The following GYS2 variants were observed in gnomAD, a reference collection of about 807,000 sequenced individuals.
GYS2 encodes glycogen synthase 2.
In GYS2, 80 loss-of-function variants were observed where a neutral mutation model predicts 85.6. The observed-to-expected ratio is 0.93, with a 90% CI of 0.78 to 1.13. GYS2 has a LOEUF of 1.13. GYS2 is among the 50% of genes most tolerant of loss of function. The pLI, the probability that GYS2 is intolerant of heterozygous loss-of-function variation, is 0.00. For synonymous variants in GYS2, 328 were observed against 300.7 expected (o/e 1.09, Z -0.94); for missense variants, 881 against 854.9 (o/e 1.03, Z -0.38).
At chr12:21,599,399 C>T (rs1944730530) in intron 1 of GYS2, among the ~76,000 whole-genome samples, 1 of 152,132 alleles carries the variant, frequency 6.6e-6, no homozygotes, top group Non-Finnish European at 1.5e-5. Flanking sequence ...TCTAGATCCT[C>T]AGTTAAAATC....
intron 13 of GYS2, among the ~76,000 whole-genome samples, chr12:21,540,900 C>T (rs1335547789): frequency 1.3e-5 from 2 of 152,058 alleles, no homozygotes; most frequent in Admixed American, 6.6e-5. Flanking sequence ...CTTTTATGTT[C>T]CCCAGTGTTC....
intron 11 of GYS2, among the ~76,000 whole-genome samples, chr12:21,550,949 GAGAA>G (rs751302891): frequency 5.2e-4 from 79 of 152,084 alleles, no homozygotes; most frequent in Non-Finnish European, 9.3e-4. Context: ...TTCAAAAACA[GAGAA>G]AGAGAGAAAG....
chr12:21,589,482 C>T (rs925047229), intron 1 of GYS2, among the ~76,000 whole-genome samples: 1 of 152,130 alleles, frequency 6.6e-6, no homozygotes, highest in Non-Finnish European at 1.5e-5. Flanking sequence ...GGGCAGCTGA[C>T]ACTCACCTCC....
At chr12:21,546,012 C>T (rs1944034531) in intron 12 of GYS2, among the ~76,000 whole-genome samples, 2 of 152,124 alleles carry the variant, frequency 1.3e-5, no homozygotes, top group South Asian at 2.1e-4. Context: ...TTCTCCTTCA[C>T]ACTAATAAAT....
chr12:21,559,179 A>C lies in GYS2; in HGVS notation c.1230-10T>G. On this transcript the variant is annotated splice_polypyrimidine_tract_variant and intron_variant, in intron 9 of 15. Transcript: ENST00000261195. ...GTCAGGAATTTCTCCTCTGCAGGGA[A>C]AAAATGTTAATAACAAAAATAAAAA... 6.5e-7 allele frequency: 1 copy of C among 1,542,034 alleles called. No homozygotes were observed. Among genetic ancestry groups the C allele is most frequent in the Non-Finnish European group, 9.0e-7 (1 of 1,115,724 alleles).
At chr12:21,583,184 T>C (rs1478295) in intron 1 of GYS2, among the ~76,000 whole-genome samples, 66,291 of 152,048 alleles carry the variant, frequency 0.44, 15,030 homozygotes, top group Middle Eastern at 0.59. Flanking sequence ...CTGGATTTAT[T>C]GATGAGACAT....
intron 1 of GYS2, among the ~76,000 whole-genome samples, chr12:21,586,837 T>C (rs997627469): frequency 1.3e-5 from 2 of 152,116 alleles, no homozygotes; most frequent in Non-Finnish European, 2.9e-5. Flanking sequence ...GGACCCAAAG[T>C]GAAAGAGATC....
At chr12:21,557,690 G>C (rs992656486) in intron 11 of GYS2, among the ~76,000 whole-genome samples, 2 of 152,128 alleles carry the variant, frequency 1.3e-5, no homozygotes, top group African/African-American at 4.8e-5. Flanking sequence ...ACGAGGTCAG[G>C]AGATCGAGAC....
At chr12:21,596,087 A>G (rs1944693035) in intron 1 of GYS2, among the ~76,000 whole-genome samples, 1 of 152,110 alleles carries the variant, frequency 6.6e-6, no homozygotes. Context: ...ACCAATAACA[A>G]GCAGTGAGAT....
At chr12:21,561,007 T>C (rs570653703) in intron 7 of GYS2, among the ~76,000 whole-genome samples, 2 of 152,334 alleles carry the variant, frequency 1.3e-5, no homozygotes, top group East Asian at 3.9e-4. Flanking sequence ...ATTTTTACTT[T>C]TCCGCTAAAT....
At chr12:21,599,384 A>G (rs1412996675) in intron 1 of GYS2, among the ~76,000 whole-genome samples, 5 of 152,126 alleles carry the variant, frequency 3.3e-5, no homozygotes, top group Non-Finnish European at 7.4e-5. Context: ...TGTTCCCAGC[A>G]CTTTTCTAGA....
intron 4 of GYS2, 74 bp downstream of exon 4, chr12:21,574,070 G>T: frequency 2.6e-6 from 3 of 1,175,126 alleles, no homozygotes; most frequent in Non-Finnish European, 3.8e-6. Flanking sequence ...GAAATGTACA[G>T]ATCAATACTT....
chr12:21,593,221 C>T (rs1167095624), intron 1 of GYS2, among the ~76,000 whole-genome samples: 2 of 150,966 alleles, frequency 1.3e-5, no homozygotes, highest in Non-Finnish European at 3.0e-5. Flanking sequence ...CCTCAACAAG[C>T]TAGAAAAGCA....
chr12:21,571,043 C>G (rs1332871823), intron 4 of GYS2, among the ~76,000 whole-genome samples: 1 of 152,166 alleles, frequency 6.6e-6, no homozygotes, highest in Non-Finnish European at 1.5e-5. Flanking sequence ...TCACATGTCA[C>G]AGATAAGACA....
chr12:21,591,882 C>T (rs778199020), intron 1 of GYS2, among the ~76,000 whole-genome samples: 1 of 151,992 alleles, frequency 6.6e-6, no homozygotes, highest in Admixed American at 6.6e-5. Context: ...GGATGTTATA[C>T]CCAGCAACAT....
intron 12 of GYS2, 21 bp downstream of exon 12, chr12:21,546,323 C>T (rs1944038750): frequency 8.3e-6 from 13 of 1,557,258 alleles, no homozygotes; most frequent in African/African-American, 1.4e-5. Flanking sequence ...AAACATTCCA[C>T]ACTCTATACA....
At chr12:21,557,749 A>G (rs868012265) in intron 11 of GYS2, among the ~76,000 whole-genome samples, 35 of 152,178 alleles carry the variant, frequency 2.3e-4, no homozygotes, top group African/African-American at 8.4e-4. Context: ...AATACAAAAA[A>G]TTAGCCGGGC....
In GYS2 at chr12:21,604,735, A is replaced by G; in HGVS notation, c.-143T>C. On this transcript the variant is annotated 5_prime_UTR_variant, in exon 1 of 16. It removes an upstream start codon present in the reference 5' UTR. Transcript: ENST00000261195. ...CTTCTCTTGGGAATAAACTAGTAGC[A>G]TGAAATCTTATGTGCTTCCCACAGA... 3.4e-6 allele frequency: 5 copies of G among 1,480,848 alleles called. No homozygotes were observed. The highest frequency in any genetic ancestry group is 1.3e-5 in the South Asian group (1 of 77,886). 91.7% of individuals were successfully genotyped at this position (1,480,848 alleles called of 1,614,324 possible). A position where few individuals can be genotyped will look rare whatever the true frequency, so the allele number is the denominator to read the frequency against.
Position 21,542,134 on chromosome 12 carries a change from G to A in GYS2, c.1645+362C>T, listed in dbSNP as rs183232224. On this transcript the variant is annotated intron_variant, in intron 13 of 15. Coordinates refer to ENST00000261195, the MANE Select transcript of GYS2 (RefSeq NM_021957.4). ...ACGATCTCAGCTCACTGCCTCCTCCGCCTCCCAGGTTCAAGTGATTATAGT... is the reference window on the plus strand; with the variant it reads ...ACGATCTCAGCTCACTGCCTCCTCCACCTCCCAGGTTCAAGTGATTATAGT... Among the ~76,000 whole-genome samples, 219 of 151,814 alleles carry A rather than the reference G, an allele frequency of 1.4e-3. 2 individuals carry two copies. The highest frequency in any genetic ancestry group is 3.4e-3 in the Middle Eastern group (1 of 294).
Sources: allele counts gnomAD v4.1 joint callset (sites outside exome capture counted in the v4.1 genomes callset), GRCh38; gene constraint gnomAD v4.1.1; transcripts MANE v1.5; gene names NCBI Gene and HGNC (gene_info 2026-07-23, HGNC 2026-07-21).